Variants in PRKG1 observed in about 807,000 individuals in gnomAD.
The protein encoded by PRKG1 is protein kinase cGMP-dependent 1, also known as cGMP-dependent protein kinase 1.
In PRKG1, 35 loss-of-function variants were observed where a neutral mutation model predicts 88.1. That is an observed-to-expected ratio of 0.40 (90% CI 0.30 to 0.53). The LOEUF (loss-of-function observed/expected upper bound fraction) is 0.53. PRKG1 is among the 20% of genes least tolerant of loss of function. The pLI is 0.59. For synonymous variants in PRKG1, 303 were observed against 292.5 expected (o/e 1.04, Z -0.37); for missense variants, 540 against 839.8 (o/e 0.64, Z 4.41).
At chr10:51,134,528 A>G (rs1169465196) in intron 1 of PRKG1, among the ~76,000 whole-genome samples, 1 of 152,200 alleles carries the variant, frequency 6.6e-6, no homozygotes, top group Non-Finnish European at 1.5e-5. Flanking sequence ...ATGTTACTGT[A>G]AACTGCACCA....
intron 5 of PRKG1, among the ~76,000 whole-genome samples, chr10:52,028,856 A>G (rs1845407360): frequency 6.6e-6 from 1 of 152,352 alleles, no homozygotes; most frequent in Admixed American, 6.5e-5. Context: ...ATGTTGAAAT[A>G]TGGGCCAAAC....
chr10:52,167,047 T>A (rs1838497508), intron 9 of PRKG1, among the ~76,000 whole-genome samples: 1 of 151,996 alleles, frequency 6.6e-6, no homozygotes, highest in South Asian at 2.1e-4. Flanking sequence ...TTTATTCCAT[T>A]TAACATCTGT....
intron 5 of PRKG1, among the ~76,000 whole-genome samples, chr10:52,052,323 C>T (rs1256483246): frequency 6.6e-6 from 1 of 151,934 alleles, no homozygotes; most frequent in African/African-American, 2.4e-5. Flanking sequence ...GCCTATAATC[C>T]TAAGACTTGG....
intron 2 of PRKG1, among the ~76,000 whole-genome samples, chr10:51,232,837 T>A: frequency 6.6e-6 from 1 of 152,184 alleles, no homozygotes; most frequent in South Asian, 2.1e-4. Flanking sequence ...CTCCTAGAAG[T>A]GTCAGCTGCA....
chr10:51,454,634 G>A (rs369370772), intron 2 of PRKG1, among the ~76,000 whole-genome samples: 2 of 152,176 alleles, frequency 1.3e-5, no homozygotes, highest in South Asian at 4.1e-4. Flanking sequence ...GGAAGCAAAA[G>A]AGGAGCAAAG....
chr10:51,260,383 A>G (rs192276849), intron 2 of PRKG1, among the ~76,000 whole-genome samples: 94 of 152,246 alleles, frequency 6.2e-4, no homozygotes, highest in African/African-American at 2.2e-3. Flanking sequence ...ATTTTTTAGC[A>G]TGCATGTTTT....
chr10:51,154,959 T>C (rs2131978380), intron 2 of PRKG1, among the ~76,000 whole-genome samples: 1 of 152,158 alleles, frequency 6.6e-6, no homozygotes, highest in South Asian at 2.1e-4. Flanking sequence ...TAAGAACTAC[T>C]AACAATTAGA....
intron 8 of PRKG1, among the ~76,000 whole-genome samples, chr10:52,150,081 G>A (rs1442318782): frequency 6.6e-6 from 1 of 151,526 alleles, no homozygotes; most frequent in Non-Finnish European, 1.5e-5. Flanking sequence ...CCAGGAGGTG[G>A]AGGTTGCAGT....
intron 4 of PRKG1, among the ~76,000 whole-genome samples, chr10:51,807,338 C>A (rs1839333280): frequency 6.6e-6 from 1 of 152,124 alleles, no homozygotes; most frequent in South Asian, 2.1e-4. Flanking sequence ...TTCTTCGGTA[C>A]AAGTCACACA....
At position 51,775,526 on chromosome 10, in the gene PRKG1, C is replaced by T. The variant is rs145674559; in HGVS notation, c.593-29059C>T. On this transcript the variant is annotated intron_variant, in intron 3 of 17. Transcript: ENST00000373980. ...GAGTAGATGATTTTGTGAAGGGAAG[C>T]GCCTTCTCCTTTCATATTGTTGAGG... Among the ~76,000 whole-genome samples, 468 of 151,938 alleles carry T rather than the reference C, an allele frequency of 3.1e-3. 1 individual carries two copies. The highest frequency in any genetic ancestry group is 0.014 in the Middle Eastern group (4 of 294).
At position 51,950,317 on chromosome 10, in the gene PRKG1, A is replaced by G. The variant is rs151000805; in HGVS notation, c.762+42747A>G. ...TCTCTTAGTGATTAATATAAACTAG[A>G]GAAAAAACAAGTGATAAACTACAGA... is the stretch of plus-strand genomic sequence containing the variant. On this transcript the variant is annotated intron_variant, in intron 5 of 17. Transcript: ENST00000373980. 6.4e-3 allele frequency among the ~76,000 whole-genome samples: 969 copies of G among 152,362 alleles called. 4 individuals carry two copies. The highest frequency in any genetic ancestry group is 0.022 in the African/African-American group (907 of 41,578).
At chr10:51,654,424 G>A (rs962058607) in intron 3 of PRKG1, among the ~76,000 whole-genome samples, 1 of 152,054 alleles carries the variant, frequency 6.6e-6, no homozygotes, top group East Asian at 1.9e-4. Context: ...ATTGGTTACT[G>A]TAGCTTCGTC....
intron 4 of PRKG1, among the ~76,000 whole-genome samples, chr10:51,827,297 C>A (rs1166667094): frequency 3.3e-5 from 5 of 151,908 alleles, no homozygotes; most frequent in Non-Finnish European, 7.4e-5. Flanking sequence ...TTTATTTATG[C>A]AGTATTTTTG....
chr10:51,633,908 A>G lies in PRKG1; in HGVS notation c.592+166072A>G, dbSNP rs549754028. 1.6e-4 allele frequency among the ~76,000 whole-genome samples: 24 copies of G among 152,282 alleles called. No individual in the cohort carries two copies. The South Asian group carries it at 4.6e-3, about 29-fold the overall frequency. On this transcript the variant is annotated intron_variant, in intron 3 of 17. Coordinates refer to ENST00000373980, the MANE Select transcript of PRKG1 (RefSeq NM_006258.4). ...ACTGTAGATTTTCTAACAAGAACAG[A>G]TGGAACATTTTCTTTGCTAACCAGG...
intron 2 of PRKG1, among the ~76,000 whole-genome samples, chr10:51,311,952 A>C (rs1588824749): frequency 6.6e-6 from 1 of 151,944 alleles, no homozygotes; most frequent in Non-Finnish European, 1.5e-5. Context: ...GCTCACCGCA[A>C]CCTCTGCCTC....
intron 4 of PRKG1, among the ~76,000 whole-genome samples, chr10:51,816,538 T>TGTGTGC (rs1491392641): frequency 8.0e-5 from 1 of 12,538 alleles, no homozygotes; most frequent in African/African-American, 9.7e-5. Context: ...AATTTTGGCA[T>TGTGTGC]GTGTGTGTGT....
intron 14 of PRKG1, among the ~76,000 whole-genome samples, chr10:52,288,273 C>T (rs1473579196): frequency 6.6e-6 from 1 of 152,096 alleles, no homozygotes; most frequent in Non-Finnish European, 1.5e-5. Context: ...CTCGGCATTT[C>T]AGTGGAACAG....
At chr10:51,758,975 C>T (rs1034047192) in intron 3 of PRKG1, among the ~76,000 whole-genome samples, 1 of 151,528 alleles carries the variant, frequency 6.6e-6, no homozygotes, top group African/African-American at 2.4e-5. Flanking sequence ...TGTTAGTTTG[C>T]TGAGAATTAT....
chr10:51,941,288 T>C (rs1056917505), intron 5 of PRKG1, among the ~76,000 whole-genome samples: 3 of 151,974 alleles, frequency 2.0e-5, no homozygotes, highest in African/African-American at 7.3e-5. Flanking sequence ...GCACCAACTA[T>C]GAGACTTAAG....
Sources: allele counts gnomAD v4.1 joint callset (sites outside exome capture counted in the v4.1 genomes callset), GRCh38; gene constraint gnomAD v4.1.1; transcripts MANE v1.5; gene names NCBI Gene and HGNC (gene_info 2026-07-23, HGNC 2026-07-21).